Variants in SLC35F1 observed in about 807,000 individuals in gnomAD.
SLC35F1 encodes the protein chromosome 6 open reading frame 169.
A neutral mutation model predicts 48.7 loss-of-function variants in SLC35F1; 14 were observed. The ratio of observed to expected loss-of-function variants is 0.29; its 90% CI spans 0.19 to 0.45. The LOEUF is 0.45. Ranked by LOEUF, SLC35F1 falls within the 20% of genes least tolerant of loss-of-function variation. The pLI is 1.00. For missense variants in SLC35F1, 404 were observed against 500.0 expected (o/e 0.81, Z 1.83); for synonymous variants, 190 against 202.2 (o/e 0.94, Z 0.51).
chr6:118,311,995 C>G (rs1776377827), intron 7 of SLC35F1, among the ~76,000 whole-genome samples: 1 of 152,100 alleles, frequency 6.6e-6, no homozygotes, highest in African/African-American at 2.4e-5. Context: ...TTTAACCACC[C>G]TATAGTAGGT....
intron 1 of SLC35F1, among the ~76,000 whole-genome samples, chr6:117,935,514 C>T (rs1776153209): frequency 6.6e-6 from 1 of 152,128 alleles, no homozygotes. Flanking sequence ...AAACATTGAG[C>T]CACAGTCATC....
At chr6:117,923,221 G>A (rs1056590588) in intron 1 of SLC35F1, among the ~76,000 whole-genome samples, 7 of 152,018 alleles carry the variant, frequency 4.6e-5, no homozygotes, top group Non-Finnish European at 1.0e-4. Context: ...TAAAGCATAT[G>A]TATAGTCTTT....
chr6:117,974,448 A>G (rs538868918), intron 1 of SLC35F1, among the ~76,000 whole-genome samples: 1 of 152,352 alleles, frequency 6.6e-6, no homozygotes, highest in Non-Finnish European at 1.5e-5. Flanking sequence ...TGAGTAGCAT[A>G]AAGTCAAAAA....
chr6:118,311,817 G>A (rs1400010577), intron 7 of SLC35F1, among the ~76,000 whole-genome samples: 1 of 151,904 alleles, frequency 6.6e-6, no homozygotes, highest in African/African-American at 2.4e-5. Flanking sequence ...AAAAGAAAAT[G>A]TAATCAATGA....
intron 1 of SLC35F1, among the ~76,000 whole-genome samples, chr6:118,006,111 A>G (rs1777171316): frequency 1.3e-5 from 2 of 152,180 alleles, no homozygotes; most frequent in Admixed American, 6.5e-5. Context: ...TCCATGATGC[A>G]TAGTAGATTA....
chr6:117,912,116 A>T (rs1775771494), intron 1 of SLC35F1, among the ~76,000 whole-genome samples: 1 of 152,154 alleles, frequency 6.6e-6, no homozygotes, highest in Admixed American at 6.5e-5. Flanking sequence ...GGTTGTCTCA[A>T]ATTATAAAGG....
chr6:118,067,161 C>A (rs1350952460), intron 1 of SLC35F1, among the ~76,000 whole-genome samples: 1 of 152,078 alleles, frequency 6.6e-6, no homozygotes, highest in South Asian at 2.1e-4. Flanking sequence ...TCATGGATCA[C>A]TGGGCAATGG....
Position 117,922,101 on chromosome 6 carries a change from G to A in SLC35F1, c.173+14202G>A, listed in dbSNP as rs1021416166. On this transcript the variant is annotated intron_variant, in intron 1 of 7. Coordinates refer to ENST00000360388, the MANE Select transcript of SLC35F1 (RefSeq NM_001029858.4). ...GCATGTAAAGGCCGGAGTCTACAAA[G>A]TACTTTTTTTCTAAAAGAAATTTCC... is the stretch of plus-strand genomic sequence containing the variant. Among the ~76,000 whole-genome samples, 3 of 152,182 alleles carry A rather than the reference G, an allele frequency of 2.0e-5. No homozygotes were observed. In the South Asian group the frequency reaches 6.2e-4, roughly 32 times the overall value.
chr6:118,265,889 C>T, intron 3 of SLC35F1, among the ~76,000 whole-genome samples: 1 of 152,182 alleles, frequency 6.6e-6, no homozygotes, highest in East Asian at 1.9e-4. Flanking sequence ...TTCTATGTGA[C>T]ATCACTTTGT....
At chr6:118,295,832 G>C (rs1372822150) in intron 7 of SLC35F1, among the ~76,000 whole-genome samples, 1 of 152,190 alleles carries the variant, frequency 6.6e-6, no homozygotes, top group Non-Finnish European at 1.5e-5. Context: ...TATTGCTAGT[G>C]AGAAAAGAAT....
chr6:118,094,468 G>A (rs1055745892), intron 1 of SLC35F1, among the ~76,000 whole-genome samples: 2 of 152,108 alleles, frequency 1.3e-5, no homozygotes, highest in African/African-American at 4.8e-5. Context: ...AAGTTTTCCA[G>A]GAAGATGGTG....
chr6:118,064,064 G>A (rs1772579887), intron 1 of SLC35F1, among the ~76,000 whole-genome samples: 1 of 152,114 alleles, frequency 6.6e-6, no homozygotes. Context: ...TGGCTGGGGA[G>A]GCCTCACAGT....
chr6:118,162,937 C>G (rs1178510045), intron 2 of SLC35F1, among the ~76,000 whole-genome samples: 2 of 151,582 alleles, frequency 1.3e-5, no homozygotes, highest in Non-Finnish European at 2.9e-5. Flanking sequence ...CGTGTGTGTG[C>G]TAATGTGTAT....
intron 1 of SLC35F1, among the ~76,000 whole-genome samples, chr6:118,008,354 G>C (rs1228047836): frequency 1.3e-5 from 2 of 152,082 alleles, no homozygotes; most frequent in Non-Finnish European, 2.9e-5. Flanking sequence ...GATTATGTAG[G>C]GTGTGCACAG....
chr6:118,152,406 A>T (rs1249724494), intron 1 of SLC35F1, among the ~76,000 whole-genome samples: 1 of 152,186 alleles, frequency 6.6e-6, no homozygotes, highest in East Asian at 1.9e-4. Flanking sequence ...ACCACTGTAC[A>T]TCTACATGCC....
intron 2 of SLC35F1, among the ~76,000 whole-genome samples, chr6:118,216,483 G>GA (rs1397192118): frequency 4.7e-5 from 7 of 147,924 alleles, no homozygotes; most frequent in Non-Finnish European, 9.0e-5. Flanking sequence ...AAAAAGAAAA[G>GA]AAAAGAAAAG....
intron 2 of SLC35F1, among the ~76,000 whole-genome samples, chr6:118,198,146 T>C (rs1248731213): frequency 1.3e-5 from 2 of 152,200 alleles, no homozygotes; most frequent in African/African-American, 4.8e-5. Context: ...GACAATTAAA[T>C]AAGCTTGGAC....
At position 118,221,905 on chromosome 6, in the gene SLC35F1, C is replaced by T. The variant is rs541391457; in HGVS notation, c.350-13604C>T. Among the ~76,000 whole-genome samples, 6 of 152,200 alleles carry T rather than the reference C, an allele frequency of 3.9e-5. No individual in the cohort carries two copies. The South Asian group carries it at 1.2e-3, about 32-fold the overall frequency. On this transcript the variant is annotated intron_variant, in intron 2 of 7. Transcript: ENST00000360388. ...ATGCCATGATCACATGTAAAATTAA[C>T]AAGAATTTCAAATGTCCTGTCAATG... is the stretch of plus-strand genomic sequence containing the variant.
At chr6:117,923,652 T>TACATATAC (rs1775945610) in intron 1 of SLC35F1, among the ~76,000 whole-genome samples, 1 of 46,138 alleles carries the variant, frequency 2.2e-5, no homozygotes, top group African/African-American at 6.5e-5. Flanking sequence ...TGTACATATG[T>TACATATAC]ACATATGTAT....
Sources: allele counts gnomAD v4.1 joint callset (sites outside exome capture counted in the v4.1 genomes callset), GRCh38; gene constraint gnomAD v4.1.1; transcripts MANE v1.5; gene names NCBI Gene and HGNC (gene_info 2026-07-23, HGNC 2026-07-21).